The following MEGF11 variants were observed in gnomAD, a reference collection of about 807,000 sequenced individuals.
MEGF11 encodes the protein multiple epidermal growth factor-like domains protein 11.
Under a neutral mutation model 146.6 loss-of-function variants are expected in MEGF11, and 126 were observed. The ratio of observed to expected loss-of-function variants is 0.86; its 90% confidence interval spans 0.74 to 1.00. The LOEUF (loss-of-function observed/expected upper bound fraction) is 1.00, where lower values mean the gene tolerates loss of function less well. Among genes scored for constraint, MEGF11 ranks in the 50% least tolerant of loss-of-function variants. The probability of loss-of-function intolerance (pLI) is 0.00; values close to 1 mark genes in which losing one functional copy is unlikely to be tolerated. For synonymous variants in MEGF11, 532 were observed against 583.4 expected, an observed-to-expected ratio of 0.91 and a Z score of 1.27; for missense variants, 1,509 against 1,521.2, an observed-to-expected ratio of 0.99 and a Z score of 0.13.
At chr15:66,110,135 T>G (rs1197100976) in intron 4 of MEGF11, among the ~76,000 whole-genome samples, 3 of 152,106 alleles carry the variant, frequency 2.0e-5, no homozygotes, top group African/African-American at 7.2e-5. Flanking sequence ...GAATCCAACA[T>G]AGGCATTAAC....
At chr15:66,174,765 G>A (rs72744471) in intron 1 of MEGF11, among the ~76,000 whole-genome samples, 41,735 of 151,800 alleles carry the variant, frequency 0.27, 5,803 homozygotes, top group South Asian at 0.36. Flanking sequence ...AAAACCCCCA[G>A]TCCCTTTAAT....
intron 4 of MEGF11, among the ~76,000 whole-genome samples, chr15:66,107,898 G>A (rs1375830052): frequency 6.6e-6 from 1 of 152,174 alleles, no homozygotes; most frequent in Admixed American, 6.5e-5. Context: ...TGGCCAGTGA[G>A]AGAAACAATA....
At chr15:66,202,975 A>G (rs1306851441) in intron 1 of MEGF11, among the ~76,000 whole-genome samples, 1 of 152,010 alleles carries the variant, frequency 6.6e-6, no homozygotes, top group Non-Finnish European at 1.5e-5. Flanking sequence ...GACGGGTGCT[A>G]TTCTCCCACC....
chr15:66,158,179 C>A (rs1478911712), intron 1 of MEGF11, among the ~76,000 whole-genome samples: 1 of 152,154 alleles, frequency 6.6e-6, no homozygotes, highest in Admixed American at 6.5e-5. Context: ...TGTTTAAAAT[C>A]ATTTTCACCC....
chr15:65,987,402 G>A (rs2081900862), intron 5 of MEGF11, among the ~76,000 whole-genome samples: 1 of 152,168 alleles, frequency 6.6e-6, no homozygotes, highest in Admixed American at 6.5e-5. Flanking sequence ...TGTGAATGGT[G>A]GGCGTAGGTC....
intron 10 of MEGF11, 149 bp downstream of exon 10, chr15:65,957,398 T>C (rs1462024004): frequency 1.3e-6 from 1 of 743,546 alleles, no homozygotes; most frequent in Non-Finnish European, 2.2e-6. Context: ...TGAGAACAGC[T>C]TCAGGGGCTC....
At chr15:66,156,050 G>T (rs1364663133) in intron 1 of MEGF11, among the ~76,000 whole-genome samples, 1 of 152,168 alleles carries the variant, frequency 6.6e-6, no homozygotes, top group African/African-American at 2.4e-5. Flanking sequence ...AAGTATGGAT[G>T]AATCAAAGGG....
chr15:66,226,435 A>G (rs370147273), intron 1 of MEGF11, among the ~76,000 whole-genome samples: 6 of 152,058 alleles, frequency 3.9e-5, no homozygotes, highest in South Asian at 2.1e-4. Flanking sequence ...TTTAGTAGAA[A>G]CAAGGTTTCA....
intron 1 of MEGF11, among the ~76,000 whole-genome samples, chr15:66,145,441 G>T (rs1382235965): frequency 6.6e-6 from 1 of 152,172 alleles, no homozygotes; most frequent in Non-Finnish European, 1.5e-5. Flanking sequence ...GCTGCCAGCA[G>T]CTCGGACATT....
At chr15:65,992,213 C>T (rs2082064959) in intron 5 of MEGF11, among the ~76,000 whole-genome samples, 1 of 152,200 alleles carries the variant, frequency 6.6e-6, no homozygotes, top group Non-Finnish European at 1.5e-5. Flanking sequence ...CAGCCAGGTC[C>T]ATTTCAACCA....
intron 5 of MEGF11, among the ~76,000 whole-genome samples, chr15:66,069,904 A>G (rs892655): frequency 0.97 from 147,121 of 152,324 alleles, 71,250 homozygotes; most frequent in East Asian, 1. Flanking sequence ...AGAAATGAAT[A>G]GGGATGGCTG....
chr15:66,205,431 G>A (rs1307595383), intron 1 of MEGF11, among the ~76,000 whole-genome samples: 1 of 152,128 alleles, frequency 6.6e-6, no homozygotes, highest in Non-Finnish European at 1.5e-5. Flanking sequence ...GAGACAGAAC[G>A]AGATCCTGTC....
intron 10 of MEGF11, among the ~76,000 whole-genome samples, chr15:65,932,777 G>A (rs2079625107): frequency 6.6e-6 from 1 of 152,048 alleles, no homozygotes; most frequent in African/African-American, 2.4e-5. Context: ...GTCACTGGAT[G>A]TTGAATTCCC....
Position 65,922,471 on chromosome 15 carries a change from G to C in MEGF11, c.1824C>G (p.Ile608Met), listed in dbSNP as rs2079207549. The C allele has an allele frequency of 6.4e-7, 1 of 1,564,862 alleles. No individual in the cohort carries two copies. The highest frequency in any genetic ancestry group is 1.4e-5 in the African/African-American group (1 of 73,704). Residue 608 changes from isoleucine to methionine, a missense_variant and splice_region_variant, in exon 15 of 26, where the codon ATC becomes ATG. Ile to Met is a conservative substitution (Grantham distance 10, BLOSUM62 1). Coordinates refer to ENST00000395614, the MANE Select transcript of MEGF11 (RefSeq NM_001385028.1). ...PGFRGPLCQR[I>M]CPPGFYGHGC... is the part of the protein sequence containing the mutation. ...CGTGGCCATAGAACCCAGGGGGGCA[G>C]ACTGAGGGTGAAGGGAAGATGGTGG...
At chr15:66,109,921 C>T (rs2087303229) in intron 4 of MEGF11, among the ~76,000 whole-genome samples, 1 of 152,202 alleles carries the variant, frequency 6.6e-6, no homozygotes, top group Non-Finnish European at 1.5e-5. Flanking sequence ...GAAAGCCTCG[C>T]AGAGACTTGA....
intron 2 of MEGF11, among the ~76,000 whole-genome samples, chr15:66,125,610 G>A (rs1047673197): frequency 6.6e-6 from 1 of 152,240 alleles, no homozygotes; most frequent in African/African-American, 2.4e-5. Flanking sequence ...TTAAAGGAGG[G>A]CAGTAATATT....
intron 1 of MEGF11, among the ~76,000 whole-genome samples, chr15:66,243,582 G>T (rs1240566474): frequency 2.0e-5 from 3 of 152,218 alleles, no homozygotes; most frequent in Non-Finnish European, 2.9e-5. Flanking sequence ...TGTTGGTTTT[G>T]AGTGTATTTT....
At chr15:66,169,187 C>G (rs991122452) in intron 1 of MEGF11, among the ~76,000 whole-genome samples, 18 of 152,328 alleles carry the variant, frequency 1.2e-4, no homozygotes, top group African/African-American at 4.3e-4. Flanking sequence ...GTGCACAGAC[C>G]GCAGCGTCCT....
intron 5 of MEGF11, among the ~76,000 whole-genome samples, chr15:66,077,017 G>T (rs978245743): frequency 6.6e-6 from 1 of 152,202 alleles, no homozygotes; most frequent in Non-Finnish European, 1.5e-5. Flanking sequence ...AGAGTTAAAA[G>T]GTTGCCCACC....
Sources: gnomAD v4.1 joint callset for allele counts (sites outside exome capture counted in the v4.1 genomes callset) on GRCh38, gnomAD v4.1.1 for gene constraint, MANE v1.5 for transcripts, NCBI Gene and HGNC (gene_info 2026-07-23, HGNC 2026-07-21) for gene names.